DAB1: variants seen among roughly 807,000 people sequenced by gnomAD.
The protein encoded by DAB1 is disabled homolog 1.
DAB1 carries 15 observed loss-of-function variants against 64.6 expected under a neutral mutation model. That is an observed-to-expected ratio of 0.23 (90% CI 0.16 to 0.36). The LOEUF (loss-of-function observed/expected upper bound fraction) is 0.36. DAB1 is among the 10% of genes least tolerant of loss of function. The probability of loss-of-function intolerance (pLI) is 1.00; values close to 1 mark genes in which losing one functional copy is unlikely to be tolerated. For missense variants in DAB1, 596 were observed against 706.7 expected (o/e 0.84, Z 1.78); for synonymous variants, 235 against 251.9 (o/e 0.93, Z 0.64).
chr1:57,292,942 C>G (rs1057476664), intron 1 of DAB1, among the ~76,000 whole-genome samples: 1 of 152,062 alleles, frequency 6.6e-6, no homozygotes, highest in East Asian at 1.9e-4. Flanking sequence ...AGAGGATAAG[C>G]CCTACTCTGT....
chr1:58,519,795 T>C (rs1312549666), intron 2 of DAB1, among the ~76,000 whole-genome samples: 2 of 151,548 alleles, frequency 1.3e-5, no homozygotes, highest in Admixed American at 6.6e-5. Flanking sequence ...AAGAAACATA[T>C]GACAAAATGG....
chr1:57,677,049 G>A (rs1016069403), intron 6 of DAB1, among the ~76,000 whole-genome samples: 19 of 152,242 alleles, frequency 1.2e-4, no homozygotes, highest in African/African-American at 4.6e-4. Context: ...TAAGGGTGGG[G>A]CACTGATTTG....
At chr1:58,367,312 A>C (rs1057067767) in intron 3 of DAB1, among the ~76,000 whole-genome samples, 7 of 152,334 alleles carry the variant, frequency 4.6e-5, no homozygotes, top group African/African-American at 1.7e-4. Context: ...ATCAATGCTC[A>C]CAAGAAAATA....
chr1:57,589,001 C>A (rs769090379), intron 7 of DAB1, among the ~76,000 whole-genome samples: 2 of 152,098 alleles, frequency 1.3e-5, no homozygotes, highest in African/African-American at 2.4e-5. Context: ...TTCGGGAGGC[C>A]GAGGCAGGTG....
At chr1:58,171,751 C>T (rs1656187887) in intron 4 of DAB1, among the ~76,000 whole-genome samples, 1 of 152,236 alleles carries the variant, frequency 6.6e-6, no homozygotes, top group African/African-American at 2.4e-5. Context: ...TAAGTCCAGA[C>T]ACTCTGGTCC....
At chr1:58,428,186 T>C (rs1465463414) in intron 3 of DAB1, among the ~76,000 whole-genome samples, 2 of 152,246 alleles carry the variant, frequency 1.3e-5, no homozygotes, top group Admixed American at 6.5e-5. Flanking sequence ...TGATGAAATA[T>C]TGATGCTAGG....
chr1:58,449,352 T>C (rs10889092), intron 3 of DAB1, among the ~76,000 whole-genome samples: 77,159 of 152,010 alleles, frequency 0.51, 21,346 homozygotes, highest in Non-Finnish European at 0.63. Context: ...GCTCTGCTGC[T>C]TTTTCTGCCC....
At chr1:57,130,059 T>C in intron 4 of DAB1, among the ~76,000 whole-genome samples, 1 of 151,698 alleles carries the variant, frequency 6.6e-6, no homozygotes, top group African/African-American at 2.4e-5. Context: ...TGTAGTCTGA[T>C]GGGAGTGTGA....
chr1:57,380,819 C>T (rs193213847), intron 1 of DAB1, among the ~76,000 whole-genome samples: 19 of 152,252 alleles, frequency 1.2e-4, no homozygotes, highest in Non-Finnish European at 2.1e-4. Context: ...GATGAACATA[C>T]AATAAAAGGA....
rs1646956651 is a variant in DAB1, at chr1:57,705,513, T to C, written n.552-55848A>G. Among the ~76,000 whole-genome samples, 3 of 152,092 alleles carry C rather than the reference T, an allele frequency of 2.0e-5. No homozygotes were observed. The South Asian group carries it at 6.2e-4, about 31-fold the overall frequency. On this transcript the variant is annotated intron_variant and non_coding_transcript_variant, in intron 6 of 20. Coordinates refer to the DAB1 transcript ENST00000485760. ...CATTTCTCTTTTCTGTTGGATTAGG[T>C]TTTCTTTTTCCATTTTTCTCTCTAC...
At chr1:57,674,894 C>T (rs1015556046) in intron 6 of DAB1, among the ~76,000 whole-genome samples, 2 of 152,158 alleles carry the variant, frequency 1.3e-5, no homozygotes, top group African/African-American at 2.4e-5. Flanking sequence ...TAACAATCAG[C>T]AAATAATCCA....
intron 4 of DAB1, among the ~76,000 whole-genome samples, chr1:57,091,624 TTAAGAA>T: frequency 2.0e-5 from 3 of 152,232 alleles, no homozygotes; most frequent in East Asian, 3.9e-4. Flanking sequence ...AGTGCAGAGG[TTAAGAA>T]CATGGACACT....
intron 4 of DAB1, among the ~76,000 whole-genome samples, chr1:57,128,019 C>G (rs1046351319): frequency 6.6e-6 from 1 of 151,804 alleles, no homozygotes; most frequent in Non-Finnish European, 1.5e-5. Flanking sequence ...TGGTGGGATG[C>G]GCCCGTAATC....
chr1:58,306,144 C>T (rs1267608677), intron 4 of DAB1, among the ~76,000 whole-genome samples: 1 of 152,142 alleles, frequency 6.6e-6, no homozygotes, highest in African/African-American at 2.4e-5. Flanking sequence ...CAAGTGAGCA[C>T]TCATTATTGG....
chr1:58,144,031 T>G (rs1654455947), intron 5 of DAB1, among the ~76,000 whole-genome samples: 1 of 152,240 alleles, frequency 6.6e-6, no homozygotes, highest in African/African-American at 2.4e-5. Context: ...TCAGTACATT[T>G]TAATCACAAT....
chr1:58,030,488 C>T (rs1052980125), intron 5 of DAB1, among the ~76,000 whole-genome samples: 1 of 152,200 alleles, frequency 6.6e-6, no homozygotes, highest in Non-Finnish European at 1.5e-5. Context: ...AACAGAGCCA[C>T]AGATTAAACA....
intron 14 of DAB1, among the ~76,000 whole-genome samples, chr1:57,009,695 A>G (rs918775367): frequency 6.6e-6 from 1 of 152,198 alleles, no homozygotes; most frequent in Non-Finnish European, 1.5e-5. Flanking sequence ...TAGAAAACTA[A>G]GAAGGTATCT....
chr1:57,788,210 A>C (rs1488625797), intron 6 of DAB1, among the ~76,000 whole-genome samples: 1 of 152,224 alleles, frequency 6.6e-6, no homozygotes, highest in Non-Finnish European at 1.5e-5. Context: ...AGACTTGTAC[A>C]TAAATAACAT....
chr1:58,183,928 C>T (rs1247508712), intron 4 of DAB1, among the ~76,000 whole-genome samples: 1 of 151,682 alleles, frequency 6.6e-6, no homozygotes, highest in Non-Finnish European at 1.5e-5. Flanking sequence ...GACTTGCAAC[C>T]ATTATTTCAA....
Sources: gnomAD v4.1 joint callset for allele counts (sites outside exome capture counted in the v4.1 genomes callset) on GRCh38, gnomAD v4.1.1 for gene constraint, MANE v1.5 for transcripts, NCBI Gene and HGNC (gene_info 2026-07-23, HGNC 2026-07-21) for gene names.